Variants in N4BP1 observed in about 807,000 individuals in gnomAD.
N4BP1 encodes NEDD4-binding protein 1.
N4BP1 carries 21 observed loss-of-function variants against 70.9 expected under a neutral mutation model. The observed-to-expected ratio is 0.30, with a 90% confidence interval of 0.21 to 0.43. N4BP1 has a LOEUF of 0.43. N4BP1 is among the 20% of genes least tolerant of loss of function. The probability of loss-of-function intolerance (pLI) is 1.00; values close to 1 mark genes in which losing one functional copy is unlikely to be tolerated. For synonymous variants in N4BP1, 387 were observed against 394.6 expected, an observed-to-expected ratio of 0.98 and a Z score of 0.23; for missense variants, 936 against 1,069.4, an observed-to-expected ratio of 0.88 and a Z score of 1.74.
rs369560133 is a variant in N4BP1 at position 48,546,261 on chromosome 16, C to A, written c.2226-7G>T. 4 of 1,586,294 alleles carry A rather than the reference C, an allele frequency of 2.5e-6. No homozygotes were observed. Among genetic ancestry groups the A allele is most frequent in the Non-Finnish European group, 8.6e-7 (1 of 1,165,092 alleles). On this transcript the variant is annotated splice_region_variant and splice_polypyrimidine_tract_variant and intron_variant, in intron 5 of 6. Transcript: ENST00000262384. ...GAACGTGTACTGCAGCAGCCTACAA[C>A]ACAGAACACCATGAGGCTGAGAGAC...
chr16:48,595,456 CAAAAAA>C (rs373163833), intron 1 of N4BP1, among the ~76,000 whole-genome samples: 3 of 57,454 alleles, frequency 5.2e-5, no homozygotes, highest in Admixed American at 2.3e-4. Context: ...GACTCTGTCT[CAAAAAA>C]AAAAAAAAAA....
At position 48,543,062 on chromosome 16, in the gene N4BP1, T is replaced by C. The variant is rs752932974; in HGVS notation, c.2533A>G (p.Met845Val). Residue 845 changes from methionine to valine, a missense_variant, in exon 7 of 7, where the codon ATG becomes GTG. Physicochemically the swap from Met to Val is conservative, Grantham distance 21 (BLOSUM62 1). Around this residue, in one of 4 missense-constraint regions of N4BP1, gnomAD observed 229 missense variants for 343.5 expected, o/e 0.67. Coordinates refer to ENST00000262384, the MANE Select transcript of N4BP1 (RefSeq NM_153029.4). ...TCTGCAGAAGATCTCTGAGCTGGCA[T>C]GGGCAGGTTCTGCTGGAGACTGGGG... ...ALPSLQQNLP[M>V]PAQRSSAETN... 2.5e-6 allele frequency: 4 copies of C among 1,613,912 alleles called. No homozygotes were observed. Among genetic ancestry groups the C allele is most frequent in the Admixed American group, 1.7e-5 (1 of 60,004 alleles).
At chr16:48,601,494 T>G (rs1312545538) in intron 1 of N4BP1, among the ~76,000 whole-genome samples, 2 of 151,418 alleles carry the variant, frequency 1.3e-5, no homozygotes, top group African/African-American at 4.9e-5. Flanking sequence ...AAAAAAAAAG[T>G]GTTGATTCAA....
intron 1 of N4BP1, among the ~76,000 whole-genome samples, chr16:48,573,612 C>CA (rs905911477): frequency 7.3e-5 from 11 of 151,376 alleles, no homozygotes; most frequent in Admixed American, 2.0e-4. Flanking sequence ...AACAAACAAA[C>CA]AAAAAAAACC....
At chr16:48,558,489 G>A (rs1252434481) in intron 2 of N4BP1, among the ~76,000 whole-genome samples, 1 of 152,140 alleles carries the variant, frequency 6.6e-6, no homozygotes, top group Non-Finnish European at 1.5e-5. Context: ...AAAACATCCT[G>A]TCACGGATAG....
chr16:48,609,695 G>A (rs1873751177), intron 1 of N4BP1, 80 bp downstream of exon 1: 2 of 1,163,442 alleles, frequency 1.7e-6, no homozygotes, highest in Non-Finnish European at 1.1e-6. Flanking sequence ...GCGGCGGACG[G>A]CGGGGGCGGG....
At chr16:48,554,724 A>G (rs968075787) in intron 2 of N4BP1, among the ~76,000 whole-genome samples, 8 of 152,182 alleles carry the variant, frequency 5.3e-5, no homozygotes, top group African/African-American at 1.9e-4. Flanking sequence ...GCATGCCAAA[A>G]CTGCTCTGTA....
chr16:48,602,891 G>A (rs1964524984), intron 1 of N4BP1, among the ~76,000 whole-genome samples: 1 of 152,130 alleles, frequency 6.6e-6, no homozygotes, highest in Non-Finnish European at 1.5e-5. Context: ...GCTGAGGTGG[G>A]AGGATCACTT....
chr16:48,579,765 G>A (rs1964150803), intron 1 of N4BP1, among the ~76,000 whole-genome samples: 1 of 151,880 alleles, frequency 6.6e-6, no homozygotes, highest in South Asian at 2.1e-4. Context: ...TGAAGGGATG[G>A]AAAAAGGTAT....
intron 1 of N4BP1, among the ~76,000 whole-genome samples, chr16:48,599,016 C>T (rs1012848461): frequency 3.3e-5 from 5 of 152,014 alleles, no homozygotes; most frequent in African/African-American, 1.2e-4. Flanking sequence ...GAAACACTTC[C>T]CCTACCTAGT....
chr16:48,556,665 A>G (rs919770736), intron 2 of N4BP1, among the ~76,000 whole-genome samples: 4 of 152,204 alleles, frequency 2.6e-5, no homozygotes, highest in Non-Finnish European at 5.9e-5. Flanking sequence ...CAACTAAAAG[A>G]AAGTGTCCAA....
At chr16:48,587,112 G>A (rs900181301) in intron 1 of N4BP1, 6 of 152,118 alleles carry the variant, frequency 3.9e-5, no homozygotes, top group African/African-American at 1.4e-4. Context: ...TCTCTTCCTT[G>A]TGCTATACCT....
chr16:48,593,748 A>G (rs773417916), intron 1 of N4BP1, among the ~76,000 whole-genome samples: 4 of 152,188 alleles, frequency 2.6e-5, no homozygotes, highest in Non-Finnish European at 4.4e-5. Flanking sequence ...GGTGGCTCAC[A>G]CCTGTAATTC....
At position 48,571,264 on chromosome 16, in the gene N4BP1, C is replaced by G. The variant is rs1346254764; in HGVS notation, c.199-8820G>C. Among the ~76,000 whole-genome samples the G allele has an allele frequency of 5.9e-5, 9 of 152,284 alleles. No individual in the cohort carries two copies. The East Asian group carries it at 1.7e-3, about 29-fold the overall frequency. The stretch of plus-strand genomic sequence containing the variant: ...TGATCATATCTCCTCCGTGGGCCAC[C>G]AGCAACAACCAGCCAAGCTGAAGAG... On this transcript the variant is annotated intron_variant, in intron 1 of 6. Coordinates refer to ENST00000262384, the MANE Select transcript of N4BP1 (RefSeq NM_153029.4).
At chr16:48,552,813 A>C (rs1365626118) in intron 3 of N4BP1, among the ~76,000 whole-genome samples, 1 of 149,656 alleles carries the variant, frequency 6.7e-6, no homozygotes, top group Non-Finnish European at 1.5e-5. Context: ...CCCTCTGTTA[A>C]GATGAATATG....
intron 1 of N4BP1, among the ~76,000 whole-genome samples, chr16:48,597,479 G>C (rs1214102721): frequency 1.3e-5 from 2 of 152,184 alleles, no homozygotes; most frequent in African/African-American, 4.8e-5. Flanking sequence ...TTTTCCTGTA[G>C]ATAAAATTTC....
At chr16:48,608,770 A>AG (rs1354565744) in intron 1 of N4BP1, among the ~76,000 whole-genome samples, 1 of 149,886 alleles carries the variant, frequency 6.7e-6, no homozygotes, top group Non-Finnish European at 1.5e-5. Flanking sequence ...AAAAAAAAAA[A>AG]GGCGGGGTGG....
At chr16:48,568,896 C>T (rs1362981028) in intron 1 of N4BP1, among the ~76,000 whole-genome samples, 1 of 152,148 alleles carries the variant, frequency 6.6e-6, no homozygotes, top group African/African-American at 2.4e-5. Flanking sequence ...GGTTGTGTTC[C>T]GTGAGCTTCT....
chr16:48,596,426 T>A (rs1964415589), intron 1 of N4BP1, among the ~76,000 whole-genome samples: 1 of 152,194 alleles, frequency 6.6e-6, no homozygotes, highest in South Asian at 2.1e-4. Flanking sequence ...GTTCCACTCC[T>A]CTCACTTTGT....
Sources: gnomAD v4.1 joint callset for allele counts (sites outside exome capture counted in the v4.1 genomes callset) on GRCh38, gnomAD v4.1.1 for gene constraint, gnomAD v4.1.1 regional missense constraint, MANE v1.5 for transcripts, NCBI Gene and HGNC (gene_info 2026-07-23, HGNC 2026-07-21) for gene names.